The following C10orf67 variants were observed in gnomAD, a reference collection of about 807,000 sequenced individuals.
The protein encoded by C10orf67 is chromosome 10 open reading frame 67, also known as uncharacterized protein C10orf67, mitochondrial.
Under a neutral mutation model 35.6 loss-of-function variants are expected in C10orf67, and 60 were observed. The observed-to-expected ratio is 1.68, with a 90% CI of 1.37 to 2.09. C10orf67 has a LOEUF of 2.09. C10orf67 is among the 30% of genes most tolerant of loss of function. The pLI is 0.00. For missense variants in C10orf67, 474 were observed against 330.2 expected (o/e 1.44, Z -3.38); for synonymous variants, 167 against 115.8 (o/e 1.44, Z -2.84).
At chr10:23,248,989 G>A (rs1842380755) in intron 12 of C10orf67, among the ~76,000 whole-genome samples, 1 of 151,670 alleles carries the variant, frequency 6.6e-6, no homozygotes, top group African/African-American at 2.4e-5. Context: ...AATTAGGTAG[G>A]TGTGGTGGTG....
At chr10:23,257,832 G>T (rs973739778) in intron 10 of C10orf67, among the ~76,000 whole-genome samples, 1 of 151,636 alleles carries the variant, frequency 6.6e-6, no homozygotes, top group South Asian at 2.1e-4. Context: ...CTGTGGTCTA[G>T]TAGAGGTAAC....
chr10:23,207,727 T>C (rs1031398656), intron 15 of C10orf67, among the ~76,000 whole-genome samples: 1 of 152,250 alleles, frequency 6.6e-6, no homozygotes, highest in African/African-American at 2.4e-5. Context: ...CCGGCACTTG[T>C]AAAATTCCCT....
At chr10:23,220,296 A>C in intron 15 of C10orf67, among the ~76,000 whole-genome samples, 1 of 152,228 alleles carries the variant, frequency 6.6e-6, no homozygotes, top group East Asian at 1.9e-4. Context: ...TTATACTATG[A>C]ACAGCTCAAG....
chr10:23,239,314 G>C (rs751545803), intron 13 of C10orf67, among the ~76,000 whole-genome samples: 5 of 152,140 alleles, frequency 3.3e-5, no homozygotes. Flanking sequence ...AAATTGAATG[G>C]CTTGGCACTA....
chr10:23,249,823 C>T (rs1362018880), intron 12 of C10orf67, among the ~76,000 whole-genome samples: 2 of 152,120 alleles, frequency 1.3e-5, no homozygotes, highest in African/African-American at 4.8e-5. Flanking sequence ...TACATGTTCC[C>T]CCAGGGAATC....
intron 4 of C10orf67, chr10:23,318,674 TCA>T: frequency 2.0e-6 from 1 of 507,176 alleles, no homozygotes; most frequent in Non-Finnish European, 3.5e-6. Flanking sequence ...TGGCACAGAG[TCA>T]CAGAGATCGT....
chr10:23,290,912 C>T (rs918381000), intron 6 of C10orf67, among the ~76,000 whole-genome samples: 2 of 152,108 alleles, frequency 1.3e-5, no homozygotes, highest in African/African-American at 2.4e-5. Context: ...GAAACAACAC[C>T]CTGAATTAAC....
At chr10:23,314,371 C>T (rs902140706) in intron 4 of C10orf67, among the ~76,000 whole-genome samples, 2 of 151,992 alleles carry the variant, frequency 1.3e-5, no homozygotes, top group Non-Finnish European at 2.9e-5. Context: ...CCTATAATCC[C>T]AGCACCTTGG....
chr10:23,302,446 G>A (rs1042093991), intron 5 of C10orf67, among the ~76,000 whole-genome samples: 3 of 152,110 alleles, frequency 2.0e-5, no homozygotes, highest in African/African-American at 7.2e-5. Flanking sequence ...CTCTTCATCT[G>A]CAAACTGAAC....
At chr10:23,209,056 G>C (rs1841235807) in intron 15 of C10orf67, among the ~76,000 whole-genome samples, 1 of 152,002 alleles carries the variant, frequency 6.6e-6, no homozygotes, top group African/African-American at 2.4e-5. Flanking sequence ...ACAGGCACAG[G>C]TGCTTGGAAC....
At chr10:23,302,480 T>G (rs1844114613) in intron 5 of C10orf67, among the ~76,000 whole-genome samples, 1 of 152,182 alleles carries the variant, frequency 6.6e-6, no homozygotes, top group Non-Finnish European at 1.5e-5. Flanking sequence ...AGAGATGCCA[T>G]CGATGAAGTA....
intron 12 of C10orf67, among the ~76,000 whole-genome samples, chr10:23,242,139 T>G (rs1388376285): frequency 1.3e-5 from 2 of 152,070 alleles, no homozygotes; most frequent in African/African-American, 2.4e-5. Flanking sequence ...GCCCAGCTTA[T>G]TTTTGTATTT....
At chr10:23,265,578 T>C (rs1027663059) in intron 10 of C10orf67, among the ~76,000 whole-genome samples, 6 of 152,216 alleles carry the variant, frequency 3.9e-5, no homozygotes, top group African/African-American at 1.4e-4. Flanking sequence ...CTAAGAGTTG[T>C]AGAAATACAA....
At chr10:23,314,113 G>A (rs779938714) in intron 4 of C10orf67, among the ~76,000 whole-genome samples, 3 of 151,944 alleles carry the variant, frequency 2.0e-5, no homozygotes, top group Non-Finnish European at 2.9e-5. Context: ...GCTTGAGCCC[G>A]GGAGGCAGAG....
intron 13 of C10orf67, among the ~76,000 whole-genome samples, chr10:23,226,302 A>G (rs1178085188): frequency 1.3e-5 from 2 of 152,206 alleles, no homozygotes; most frequent in Non-Finnish European, 2.9e-5. Context: ...AAACCACTCA[A>G]CTACATGGAA....
At chr10:23,260,302 T>C (rs12571348) in intron 10 of C10orf67, among the ~76,000 whole-genome samples, 11,514 of 152,004 alleles carry the variant, frequency 0.076, 1,497 homozygotes, top group East Asian at 0.66. Context: ...GAAAAATACC[T>C]ATCAAAAATA....
chr10:23,274,236 C>T (rs1016391263), intron 8 of C10orf67, among the ~76,000 whole-genome samples: 21 of 152,218 alleles, frequency 1.4e-4, no homozygotes, highest in East Asian at 3.9e-4. Flanking sequence ...GTCCATGTCC[C>T]GCTGGGCACA....
intron 4 of C10orf67, among the ~76,000 whole-genome samples, chr10:23,306,530 GAA>G (rs61468201): frequency 1.1e-4 from 6 of 56,314 alleles, no homozygotes; most frequent in East Asian, 3.7e-4. Context: ...CTCCATCTCA[GAA>G]AAAAAAAAAA....
In C10orf67 at chr10:23,299,847, G is replaced by A. The variant is rs891748167; in HGVS notation, c.702+3457C>T. Among the ~76,000 whole-genome samples the A allele has an allele frequency of 4.6e-5, 7 of 152,072 alleles. No homozygotes were observed. The East Asian group carries it at 7.7e-4, about 17-fold the overall frequency. ...CAAAAAATTAGCCGGGTGTGGTGGC[G>A]GGCGCCTGTAGTCCCAGCTACTCAG... On this transcript the variant is annotated intron_variant, in intron 5 of 15. Transcript: ENST00000636213.
Sources: gnomAD v4.1 joint callset for allele counts (sites outside exome capture counted in the v4.1 genomes callset) on GRCh38, gnomAD v4.1.1 for gene constraint, MANE v1.5 for transcripts, NCBI Gene and HGNC (gene_info 2026-07-23, HGNC 2026-07-21) for gene names.